The following MYO16 variants were observed in gnomAD, a reference collection of about 807,000 sequenced individuals.
MYO16 encodes unconventional myosin-XVI.
A neutral mutation model predicts 205.3 loss-of-function variants in MYO16; 94 were observed. That is an observed-to-expected ratio of 0.46 (90% CI 0.39 to 0.54). The LOEUF is 0.54. Ranked by LOEUF, MYO16 falls within the 20% of genes least tolerant of loss-of-function variation. The pLI, the probability that MYO16 is intolerant of heterozygous loss-of-function variation, is 0.00. For synonymous variants in MYO16, 988 were observed against 954.0 expected, an observed-to-expected ratio of 1.04 and a Z score of -0.66; for missense variants, 2,315 against 2,387.5, an observed-to-expected ratio of 0.97 and a Z score of 0.63.
At chr13:108,792,751 A>G (rs1015963074) in intron 5 of MYO16, among the ~76,000 whole-genome samples, 1 of 151,992 alleles carries the variant, frequency 6.6e-6, no homozygotes, top group African/African-American at 2.4e-5. Context: ...CCCTCAGGTG[A>G]TCTGCCCACC....
intron 17 of MYO16, among the ~76,000 whole-genome samples, chr13:108,959,738 G>A (rs1041941949): frequency 3.3e-5 from 5 of 152,134 alleles, no homozygotes; most frequent in African/African-American, 7.2e-5. Flanking sequence ...CTAGCCGGGC[G>A]GCAGGGATGG....
chr13:108,536,364 G>C, the MYO16 span, among the ~76,000 whole-genome samples: 11 of 151,932 alleles, frequency 7.2e-5, no homozygotes, highest in Admixed American at 2.0e-4. Context: ...ATTAAAGCTG[G>C]GGAGGGGACA....
chr13:108,682,137 C>A (rs1882487909), intron 2 of MYO16, among the ~76,000 whole-genome samples: 1 of 152,224 alleles, frequency 6.6e-6, no homozygotes, highest in African/African-American at 2.4e-5. Context: ...TTGGATACCA[C>A]TGATATTATC....
At chr13:109,185,822 G>A (rs1286918209) in intron 34 of MYO16, among the ~76,000 whole-genome samples, 3 of 152,088 alleles carry the variant, frequency 2.0e-5, no homozygotes, top group Admixed American at 2.0e-4. Flanking sequence ...GAGCATAGGT[G>A]TACTCATAAA....
At chr13:108,770,089 G>C (rs897276107) in intron 4 of MYO16, among the ~76,000 whole-genome samples, 1 of 152,184 alleles carries the variant, frequency 6.6e-6, no homozygotes, top group South Asian at 2.1e-4. Flanking sequence ...AGTGACACGG[G>C]AAAGAAAATT....
rs150260190 is a variant in MYO16 at position 109,055,473 on chromosome 13, G to A, written c.3213G>A (p.Leu1071=). The change falls in exon 27 of 35, where the codon CTG becomes CTA. Residue 1071 remains leucine, a synonymous_variant. Transcript: ENST00000457511. This position sits in a 1 kb window ranked among gnomAD's most constrained non-coding sequence, Gnocchi z 5.0. ...IHCIRPNNSK[L]PDTFDNFYVS... is the part of the protein sequence containing the mutation. ...GCATCAGGCCCAATAACTCAAAGCT[G>A]CCAGATACTTTTGATAATTTTTACG... 24 of 1,613,172 alleles carry A rather than the reference G, an allele frequency of 1.5e-5. No homozygotes were observed. The highest frequency in any genetic ancestry group is 8.4e-5 in the Admixed American group (5 of 59,862).
intron 16 of MYO16, among the ~76,000 whole-genome samples, chr13:108,919,747 C>G (rs1169946741): frequency 2.0e-5 from 3 of 152,182 alleles, no homozygotes; most frequent in African/African-American, 7.2e-5. Flanking sequence ...GAATTTAAGG[C>G]ATGTTGGTCT....
chr13:108,849,619 T>TTGTGTGTG (rs60404877), intron 10 of MYO16, among the ~76,000 whole-genome samples: 6 of 83,890 alleles, frequency 7.2e-5, no homozygotes, highest in African/African-American at 3.0e-4. Context: ...ATTTCCTCTT[T>TTGTGTGTG]TGTGTGTGTG....
intron 27 of MYO16, among the ~76,000 whole-genome samples, chr13:109,064,899 G>A (rs899183630): frequency 6.6e-6 from 1 of 152,160 alleles, no homozygotes; most frequent in African/African-American, 2.4e-5. Flanking sequence ...CTGTTATTGT[G>A]TATTGGACCA....
rs77598418 is a variant in MYO16, at chr13:108,847,079, G to A, written c.1248+2586G>A. Among the ~76,000 whole-genome samples the A allele has an allele frequency of 2.6e-3, 399 of 152,302 alleles. 3 individuals carry two copies. Among genetic ancestry groups the A allele is most frequent in the African/African-American group, 9.2e-3 (382 of 41,570 alleles). On this transcript the variant is annotated intron_variant, in intron 10 of 34. Coordinates refer to ENST00000457511, the MANE Select transcript of MYO16 (RefSeq NM_001198950.3). The stretch of plus-strand genomic sequence containing the variant: ...GTACTGAGATTTCTCCCTCTGTGGA[G>A]TTAAAACAATTTCTGATTAGCAGAT...
chr13:108,755,070 CA>C (rs1885378358), intron 4 of MYO16, among the ~76,000 whole-genome samples: 1 of 152,034 alleles, frequency 6.6e-6, no homozygotes, highest in Non-Finnish European at 1.5e-5. Context: ...AGAGGGGACC[CA>C]TGCACACAAA....
rs561317703 is a variant in MYO16 at position 108,776,648 on chromosome 13, C to T, written c.508-8987C>T. 2.2e-4 allele frequency among the ~76,000 whole-genome samples: 33 copies of T among 152,220 alleles called. No homozygotes were observed. In the South Asian group the frequency reaches 6.8e-3, roughly 32 times the overall value. ...CTCCTGAGTTTTAATATCAGGAAAA[C>T]TGGATATTTTTAAAAAGACACACTG... is the stretch of plus-strand genomic sequence containing the variant. On this transcript the variant is annotated intron_variant, in intron 4 of 34. Transcript: ENST00000457511.
chr13:108,583,235 T>C, the MYO16 span, among the ~76,000 whole-genome samples: 1 of 152,200 alleles, frequency 6.6e-6, no homozygotes, highest in Admixed American at 6.5e-5. Context: ...TATTTTTGAT[T>C]AACGAAGGCA....
At position 108,894,781 on chromosome 13, in the gene MYO16, G is replaced by A. The variant is rs565221189; in HGVS notation, c.1660-3235G>A. On this transcript the variant is annotated intron_variant, in intron 14 of 34. Transcript: ENST00000457511. The stretch of plus-strand genomic sequence containing the variant: ...GGACGGATGGAACCCGATCACCACA[G>A]ACATGGCTTTGTTCCCCCACAAAGT... Among the ~76,000 whole-genome samples, 126 of 152,306 alleles carry A rather than the reference G, an allele frequency of 8.3e-4. 1 individual carries two copies. Among genetic ancestry groups the A allele is most frequent in the Non-Finnish European group, 1.4e-3 (96 of 68,020 alleles).
chr13:108,977,608 A>G (rs1417847484), intron 20 of MYO16, among the ~76,000 whole-genome samples: 4 of 151,996 alleles, frequency 2.6e-5, no homozygotes, highest in Admixed American at 2.6e-4. Context: ...AAACCTTTAA[A>G]TTTTCAGCAC....
chr13:108,724,032 T>C (rs933576307), intron 3 of MYO16, among the ~76,000 whole-genome samples: 1 of 152,202 alleles, frequency 6.6e-6, no homozygotes, highest in African/African-American at 2.4e-5. Flanking sequence ...CAGGTCTTAC[T>C]GATATTTTGT....
Position 109,019,950 on chromosome 13 carries a change from A to G in MYO16, c.2796+39A>G, listed in dbSNP as rs770882854. The G allele has an allele frequency of 3.8e-6, 6 of 1,584,154 alleles. No individual in the cohort carries two copies. In the African/African-American group the frequency reaches 8.1e-5, roughly 21 times the overall value. On this transcript the variant is annotated intron_variant, in intron 23 of 34. Coordinates refer to ENST00000457511, the MANE Select transcript of MYO16 (RefSeq NM_001198950.3). ...ACTGCATAATTTTTCATGTGCACTA[A>G]TGATCAAAGGTCCTTGGGACAAGCT...
At chr13:108,819,493 G>C (rs1875845614) in intron 7 of MYO16, among the ~76,000 whole-genome samples, 1 of 152,052 alleles carries the variant, frequency 6.6e-6, no homozygotes, top group African/African-American at 2.4e-5. Context: ...AGTCACGATA[G>C]TGGCCAACTC....
chr13:108,840,101 A>G (rs1877161513), intron 9 of MYO16, among the ~76,000 whole-genome samples: 2 of 152,194 alleles, frequency 1.3e-5, no homozygotes, highest in African/African-American at 4.8e-5. Flanking sequence ...TGGTAGTTTT[A>G]CTGACTTGAA....
Sources: gnomAD v4.1 joint callset for allele counts (sites outside exome capture counted in the v4.1 genomes callset) on GRCh38, gnomAD v4.1.1 for gene constraint, Gnocchi (gnomAD v3.1) non-coding constraint, MANE v1.5 for transcripts, NCBI Gene and HGNC (gene_info 2026-07-23, HGNC 2026-07-21) for gene names.